The following USP6NL variants were observed in gnomAD, a reference collection of about 807,000 sequenced individuals.
USP6NL encodes USP6 N-terminal like, also known as USP6 N-terminal-like protein.
A neutral mutation model predicts 61.9 loss-of-function variants in USP6NL; 26 were observed. The observed-to-expected ratio is 0.42, with a 90% CI of 0.31 to 0.58. The LOEUF (loss-of-function observed/expected upper bound fraction) is 0.58. USP6NL is among the 20% of genes least tolerant of loss of function. USP6NL has a pLI of 0.16. For synonymous variants in USP6NL, 432 were observed against 390.1 expected, an observed-to-expected ratio of 1.11 and a Z score of -1.27; for missense variants, 1,114 against 1,034.3, an observed-to-expected ratio of 1.08 and a Z score of -1.06.
In USP6NL at chr10:11,460,645, ATATATATAT is replaced by A. The variant is rs2096211080; in HGVS notation, c.*1787_*1795del. The A allele has an allele frequency of 6.9e-6, 1 of 145,696 alleles. No individual in the cohort carries two copies. Among genetic ancestry groups the A allele is most frequent in the South Asian group, 2.2e-4 (1 of 4,498 alleles). 9.0% of individuals were successfully genotyped at this position (145,696 alleles called of 1,614,324 possible). ...TTTGCATATATATATATATATATAT[ATATATATAT>A]AAAAATCTACAGTATTTACCACTGT... is the stretch of plus-strand genomic sequence containing the variant. On this transcript the variant is annotated 3_prime_UTR_variant, in exon 15 of 15. Coordinates refer to ENST00000609104, the MANE Select transcript of USP6NL (RefSeq NM_014688.5).
rs1834836839 is a variant in USP6NL at position 11,513,882 on chromosome 10, CT to C, written c.196-4208del. On this transcript the variant is annotated intron_variant, in intron 5 of 14. Coordinates refer to ENST00000609104, the MANE Select transcript of USP6NL (RefSeq NM_014688.5). The surrounding 1 kb of genome is among the most constrained non-coding windows in gnomAD (Gnocchi z 4.7). ...CTTTGCTGGCAGGTCCCCAAAGTGC[CT>C]TGGCCTTTGTCTCTGATGACACTGA... is the stretch of plus-strand genomic sequence containing the variant. Among the ~76,000 whole-genome samples, 4 of 152,296 alleles carry C rather than the reference CT, an allele frequency of 2.6e-5. No individual in the cohort carries two copies. In the East Asian group the frequency reaches 7.7e-4, roughly 29 times the overall value.
rs113408384 is a variant in USP6NL at position 11,478,637 on chromosome 10, G to A, written c.1078+3133C>T. On this transcript the variant is annotated intron_variant, in intron 14 of 14. Coordinates refer to ENST00000609104, the MANE Select transcript of USP6NL (RefSeq NM_014688.5). The surrounding 1 kb of genome is among the most constrained non-coding windows in gnomAD (Gnocchi z 6.8). The stretch of plus-strand genomic sequence containing the variant: ...GATATGCAAAGTGTAACTGGAGGCC[G>A]GATACTCCTGTTATCCTAGCACTTT... Among the ~76,000 whole-genome samples, 214 of 152,214 alleles carry A rather than the reference G, an allele frequency of 1.4e-3. No individual in the cohort carries two copies. The highest frequency in any genetic ancestry group is 6.8e-3 in the Middle Eastern group (2 of 294).
chr10:11,532,193 C>T lies in USP6NL; in HGVS notation c.5-4626G>A. On this transcript the variant is annotated intron_variant, in intron 2 of 14. Coordinates refer to ENST00000609104, the MANE Select transcript of USP6NL (RefSeq NM_014688.5). This position sits in a 1 kb window ranked among gnomAD's most constrained non-coding sequence, Gnocchi z 4.1. ...AGTACTTTACCCTTTGTGAGATAAT[C>T]AGTCTGGCCTTGGGAATTAACAACA... 6.3e-7 allele frequency: 1 copy of T among 1,599,814 alleles called. No individual in the cohort carries two copies. Among genetic ancestry groups the T allele is most frequent in the Non-Finnish European group, 8.5e-7 (1 of 1,171,732 alleles).
rs1029154972 is a variant in USP6NL, at chr10:11,487,901, A to G, written c.664+1201T>C. Among the ~76,000 whole-genome samples, 1 of 152,220 alleles carries G rather than the reference A, an allele frequency of 6.6e-6. No homozygotes were observed. Among genetic ancestry groups the G allele is most frequent in the Non-Finnish European group, 1.5e-5 (1 of 68,050 alleles). On this transcript the variant is annotated intron_variant, in intron 10 of 14. Coordinates refer to ENST00000609104, the MANE Select transcript of USP6NL (RefSeq NM_014688.5). The surrounding 1 kb of genome is among the most constrained non-coding windows in gnomAD (Gnocchi z 4.2). ...AGAAAGTCATAATTTTGAAAATATTAAAACAGTACTTTAAATATATAGCAG... is the reference window on the plus strand; with the variant it reads ...AGAAAGTCATAATTTTGAAAATATTGAAACAGTACTTTAAATATATAGCAG...
rs563421445 is a variant in USP6NL at position 11,537,150 on chromosome 10, G to A, written c.5-9583C>T. Among the ~76,000 whole-genome samples, 82 of 152,228 alleles carry A rather than the reference G, an allele frequency of 5.4e-4. No individual in the cohort carries two copies. The highest frequency in any genetic ancestry group is 1.7e-3 in the South Asian group (8 of 4,824). On this transcript the variant is annotated intron_variant, in intron 2 of 14. Transcript: ENST00000609104. The surrounding 1 kb of genome is among the most constrained non-coding windows in gnomAD (Gnocchi z 5.1). ...TTTTGAGACAAGGTCTCACTCTGCC[G>A]CCCAGACTGGAGTGCAGTGGCACGA...
chr10:11,570,235 T>C (rs987486232), intron 2 of USP6NL, among the ~76,000 whole-genome samples: 1 of 152,244 alleles, frequency 6.6e-6, no homozygotes, highest in African/African-American at 2.4e-5. Flanking sequence ...GTCATACCAC[T>C]GTAATCACTG....
At chr10:11,531,447 G>A (rs945922589) in intron 2 of USP6NL, among the ~76,000 whole-genome samples, 34 of 151,610 alleles carry the variant, frequency 2.2e-4, no homozygotes, top group Non-Finnish European at 2.1e-4. Flanking sequence ...CTCAGCCTCC[G>A]GAGTAGCTGG....
chr10:11,576,087 A>T (rs1566192860), intron 2 of USP6NL, among the ~76,000 whole-genome samples: 2 of 151,788 alleles, frequency 1.3e-5, no homozygotes, highest in Non-Finnish European at 2.9e-5. Context: ...CTAACACTTC[A>T]GGAAAAAAAA....
chr10:11,524,983 T>C (rs1835359784), intron 4 of USP6NL, among the ~76,000 whole-genome samples: 1 of 152,216 alleles, frequency 6.6e-6, no homozygotes, highest in African/African-American at 2.4e-5. Context: ...ATAAGGAAGA[T>C]GAATGGCATT....
rs796188947 is a variant in USP6NL, at chr10:11,468,172, C to A, written c.1079-4323G>T. 9.8e-5 allele frequency among the ~76,000 whole-genome samples: 15 copies of A among 152,288 alleles called. No individual in the cohort carries two copies. The highest frequency in any genetic ancestry group is 3.1e-4 in the African/African-American group (13 of 41,560). ...TTTATTGATTCTTGCCTCAGACAGGCATCATGTTTACTTGTCTGTGATTTA... is the reference window on the plus strand; with the variant it reads ...TTTATTGATTCTTGCCTCAGACAGGAATCATGTTTACTTGTCTGTGATTTA... On this transcript the variant is annotated intron_variant, in intron 14 of 14. Coordinates refer to ENST00000609104, the MANE Select transcript of USP6NL (RefSeq NM_014688.5). This position sits in a 1 kb window ranked among gnomAD's most constrained non-coding sequence, Gnocchi z 4.5.
intron 5 of USP6NL, among the ~76,000 whole-genome samples, chr10:11,515,643 C>T (rs1834921663): frequency 1.3e-5 from 2 of 152,198 alleles, no homozygotes; most frequent in Admixed American, 6.5e-5. Flanking sequence ...AAAACCGACA[C>T]ATATCTTGGT....
In USP6NL at chr10:11,482,532, T is replaced by C. The variant is rs1347032501; in HGVS notation, c.926-610A>G. ...GTAGATCCAGGTATTTACAAGTGTT[T>C]ATGTATATCAATTGAAGAATCCAAA... On this transcript the variant is annotated intron_variant, in intron 13 of 14. Coordinates refer to ENST00000609104, the MANE Select transcript of USP6NL (RefSeq NM_014688.5). The surrounding 1 kb of genome is among the most constrained non-coding windows in gnomAD (Gnocchi z 4.0). Among the ~76,000 whole-genome samples the C allele has an allele frequency of 6.6e-6, 1 of 152,244 alleles. No individual in the cohort carries two copies. Among genetic ancestry groups the C allele is most frequent in the Non-Finnish European group, 1.5e-5 (1 of 68,042 alleles).
intron 2 of USP6NL, among the ~76,000 whole-genome samples, chr10:11,554,750 G>GAA (rs1020795505): frequency 5.7e-5 from 6 of 104,464 alleles, no homozygotes; most frequent in Middle Eastern, 4.3e-3. Flanking sequence ...ACAATACCAA[G>GAA]AAAAAAAAAA....
At chr10:11,507,274 C>T (rs537132736) in intron 6 of USP6NL, among the ~76,000 whole-genome samples, 1 of 152,150 alleles carries the variant, frequency 6.6e-6, no homozygotes, top group East Asian at 1.9e-4. Context: ...TGAAATCTAC[C>T]CTGTAATTAC....
Position 11,525,597 on chromosome 10 carries a change from T to C in USP6NL, c.73-129A>G. 1 of 775,760 alleles carries C rather than the reference T, an allele frequency of 1.3e-6. No homozygotes were observed. Among genetic ancestry groups the C allele is most frequent in the South Asian group, 2.5e-5 (1 of 40,406 alleles). The allele number at this position is 775,760 out of a possible 1,614,324, so 48.1% of individuals were successfully genotyped here. A position where few individuals can be genotyped will look rare whatever the true frequency, so the allele number is the denominator to read the frequency against. ...AAAAATAAGAGCTGGAAGTGAGGCA[T>C]TATGAGCCTTAACATTTTTTTTTCC... On this transcript the variant is annotated intron_variant, in intron 3 of 14. Coordinates refer to ENST00000609104, the MANE Select transcript of USP6NL (RefSeq NM_014688.5). The surrounding 1 kb of genome is among the most constrained non-coding windows in gnomAD (Gnocchi z 5.0).
At chr10:11,469,076 T>G (rs1388932304) in intron 14 of USP6NL, among the ~76,000 whole-genome samples, 2 of 152,152 alleles carry the variant, frequency 1.3e-5, no homozygotes, top group Non-Finnish European at 2.9e-5. Flanking sequence ...ATGCATCATA[T>G]TAGAATTAAA....
At chr10:11,568,788 A>C in intron 2 of USP6NL, among the ~76,000 whole-genome samples, 1 of 152,202 alleles carries the variant, frequency 6.6e-6, no homozygotes, top group Non-Finnish European at 1.5e-5. Flanking sequence ...TTACTCCATG[A>C]ATTGCACTCA....
chr10:11,490,758 C>A lies in USP6NL; in HGVS notation c.543+74G>T. 1 of 1,426,380 alleles carries A rather than the reference C, an allele frequency of 7.0e-7. No homozygotes were observed. The highest frequency in any genetic ancestry group is 1.3e-5 in the South Asian group (1 of 75,954). 88.4% of individuals were successfully genotyped at this position (1,426,380 alleles called of 1,614,324 possible). A position where few individuals can be genotyped will look rare whatever the true frequency, so the allele number is the denominator to read the frequency against. On this transcript the variant is annotated intron_variant, in intron 9 of 14. Coordinates refer to ENST00000609104, the MANE Select transcript of USP6NL (RefSeq NM_014688.5). This position sits in a 1 kb window ranked among gnomAD's most constrained non-coding sequence, Gnocchi z 4.5. The stretch of plus-strand genomic sequence containing the variant: ...CTAGCTCTGAGATGCAGAAATGTGC[C>A]CACAGGGCCCTGCTAAGTAGGGAGT...
chr10:11,494,109 C>T (rs188580998), intron 7 of USP6NL, among the ~76,000 whole-genome samples: 2 of 152,270 alleles, frequency 1.3e-5, no homozygotes, highest in Admixed American at 1.3e-4. Flanking sequence ...GATCATTCTA[C>T]CCTCTTATTT....
Sources: gnomAD v4.1 joint callset for allele counts (sites outside exome capture counted in the v4.1 genomes callset) on GRCh38, gnomAD v4.1.1 for gene constraint, Gnocchi (gnomAD v3.1) non-coding constraint, MANE v1.5 for transcripts, NCBI Gene and HGNC (gene_info 2026-07-23, HGNC 2026-07-21) for gene names.